NKD1: variants seen among roughly 807,000 people sequenced by gnomAD.
NKD1 encodes the protein protein naked cuticle homolog 1.
NKD1 carries 21 observed loss-of-function variants against 56.0 expected under a neutral mutation model. That is an observed-to-expected ratio of 0.38 (90% CI 0.27 to 0.54). The LOEUF is 0.54. NKD1 is among the 20% of genes least tolerant of loss of function. NKD1 has a pLI of 0.82. For synonymous variants in NKD1, 263 were observed against 265.7 expected, an observed-to-expected ratio of 0.99 and a Z score of 0.10; for missense variants, 578 against 642.7, an observed-to-expected ratio of 0.90 and a Z score of 1.09.
rs577013032 is a variant in NKD1, at chr16:50,574,201, C to A, written c.192+24646C>A. 1.4e-5 allele frequency: 14 copies of A among 985,104 alleles called. No homozygotes were observed. In the East Asian group the frequency reaches 1.5e-3, roughly 104 times the overall value. The allele number at this position is 985,104 out of a possible 1,614,324, so 61.0% of individuals were successfully genotyped here. Reference sequence around the variant, plus strand: ...TCATTCTACCTCACCACTACCTCTTCTGGGACTCAATTTTCTCTCCTGTCA... The same window carrying A: ...TCATTCTACCTCACCACTACCTCTTATGGGACTCAATTTTCTCTCCTGTCA... On this transcript the variant is annotated intron_variant, in intron 3 of 9. Transcript: ENST00000268459.
intron 6 of NKD1, among the ~76,000 whole-genome samples, chr16:50,629,092 A>G (rs1962286864): frequency 6.6e-6 from 1 of 151,804 alleles, no homozygotes; most frequent in Admixed American, 6.6e-5. Context: ...CAGCCTTCCA[A>G]GTAGCTGGGA....
intron 3 of NKD1, among the ~76,000 whole-genome samples, chr16:50,604,198 C>G (rs1409693028): frequency 6.6e-6 from 1 of 152,240 alleles, no homozygotes; most frequent in Non-Finnish European, 1.5e-5. Flanking sequence ...GACTCAGGCT[C>G]TGGCACTTAC....
At position 50,648,237 on chromosome 16, in the gene NKD1, G is replaced by A. The variant is rs182437190; in HGVS notation, c.*14456G>A. On this transcript the variant is annotated 3_prime_UTR_variant, in exon 10 of 10. Transcript: ENST00000268459. ...TGTCCTCATTCCTGTCCTTCTCACA[G>A]TCAGTCCCTCTTGGCTCTTCCTAGA... 4.6e-5 allele frequency: 7 copies of A among 152,818 alleles called. No individual in the cohort carries two copies. The highest frequency in any genetic ancestry group is 1.7e-4 in the African/African-American group (7 of 41,434). The allele number at this position is 152,818 out of a possible 1,614,324, so 9.5% of individuals were successfully genotyped here.
At chr16:50,561,659 T>A (rs1425701709) in intron 3 of NKD1, among the ~76,000 whole-genome samples, 1 of 152,126 alleles carries the variant, frequency 6.6e-6, no homozygotes, top group Non-Finnish European at 1.5e-5. Flanking sequence ...CAGATTTACA[T>A]GGTGGCTGTC....
At chr16:50,578,354 T>C (rs923458195) in intron 3 of NKD1, among the ~76,000 whole-genome samples, 1 of 152,226 alleles carries the variant, frequency 6.6e-6, no homozygotes, top group East Asian at 1.9e-4. Flanking sequence ...TACCTTCTGC[T>C]GACAACTCTA....
At chr16:50,561,574 C>T (rs151092019) in intron 3 of NKD1, among the ~76,000 whole-genome samples, 9 of 152,264 alleles carry the variant, frequency 5.9e-5, no homozygotes, top group Admixed American at 2.6e-4. Context: ...ATGTCTGGGG[C>T]TTCAGTTCTC....
chr16:50,577,812 G>A (rs1961023842), intron 3 of NKD1, among the ~76,000 whole-genome samples: 1 of 152,158 alleles, frequency 6.6e-6, no homozygotes, highest in Non-Finnish European at 1.5e-5. Flanking sequence ...AAGCACCCAG[G>A]GGTCTTAAAG....
In NKD1 at chr16:50,598,262, T is replaced by TGTGTGTGTGTGTGTGTGTGCGCGCGC. The variant is rs138964473; in HGVS notation, c.193-10031_193-10030insTGTGTGTGTGTGTGTGTGCGCGCGCG. Reference sequence around the variant, plus strand: ...GTGTGTGTGTGTGTGTGTGTGTGTGTGCGCGCACACCTGTGCTCATGGACA... The same window carrying TGTGTGTGTGTGTGTGTGTGCGCGCGC: ...GTGTGTGTGTGTGTGTGTGTGTGTGTGTGTGTGTGTGTGTGTGTGCGCGCGCGCGCGCACACCTGTGCTCATGGACA... On this transcript the variant is annotated intron_variant, in intron 3 of 9. Coordinates refer to ENST00000268459, the MANE Select transcript of NKD1 (RefSeq NM_033119.5). The surrounding 1 kb of genome is among the most constrained non-coding windows in gnomAD (Gnocchi z 4.2). 3.4e-5 allele frequency among the ~76,000 whole-genome samples: 5 copies of TGTGTGTGTGTGTGTGTGTGCGCGCGC among 148,572 alleles called. No individual in the cohort carries two copies. The highest frequency in any genetic ancestry group is 1.3e-4 in the African/African-American group (5 of 39,058).
chr16:50,565,548 G>C (rs1960740739), intron 3 of NKD1, among the ~76,000 whole-genome samples: 1 of 151,630 alleles, frequency 6.6e-6, no homozygotes, highest in Non-Finnish European at 1.5e-5. Context: ...AAACTAGCCA[G>C]GTTTGTGATG....
intron 3 of NKD1, among the ~76,000 whole-genome samples, chr16:50,567,013 C>T (rs939091987): frequency 1.3e-5 from 2 of 151,426 alleles, no homozygotes; most frequent in Admixed American, 1.3e-4. Context: ...TGGCCCCCCC[C>T]CTTTTTTTTT....
At chr16:50,565,795 T>G (rs199966395) in intron 3 of NKD1, among the ~76,000 whole-genome samples, 2 of 152,360 alleles carry the variant, frequency 1.3e-5, no homozygotes, top group East Asian at 3.9e-4. Flanking sequence ...AATACATAAC[T>G]TTTTAAACTT....
rs1398422266 is a variant in NKD1 at position 50,548,762 on chromosome 16, G to T, written c.58+13G>T. ...GAGAGCCCGGAAGGTAGGGGCGCGCGGGGCGCAGACCTCGGGGATGGACGC... is the reference window on the plus strand; with the variant it reads ...GAGAGCCCGGAAGGTAGGGGCGCGCTGGGCGCAGACCTCGGGGATGGACGC... On this transcript the variant is annotated intron_variant, in intron 2 of 9. Coordinates refer to ENST00000268459, the MANE Select transcript of NKD1 (RefSeq NM_033119.5). The T allele has an allele frequency of 1.4e-6, 2 of 1,410,890 alleles. No individual in the cohort carries two copies. The highest frequency in any genetic ancestry group is 1.5e-5 in the South Asian group (1 of 65,292). The allele number at this position is 1,410,890 out of a possible 1,614,324, so 87.4% of individuals were successfully genotyped here. A position where few individuals can be genotyped will look rare whatever the true frequency, so the allele number is the denominator to read the frequency against.
rs1480484685 is a variant in NKD1, at chr16:50,596,531, C to CA, written c.193-11762dup. The stretch of plus-strand genomic sequence containing the variant: ...CTCTGCAGACGTGTGCCTCCTACTA[C>CA]AGCGCGTGGAAACACGTGCAGATAA... On this transcript the variant is annotated intron_variant, in intron 3 of 9. Coordinates refer to ENST00000268459, the MANE Select transcript of NKD1 (RefSeq NM_033119.5). Among the ~76,000 whole-genome samples, 95 of 152,356 alleles carry CA rather than the reference C, an allele frequency of 6.2e-4. 1 individual carries two copies. Among genetic ancestry groups the CA allele is most frequent in the African/African-American group, 2.2e-3 (92 of 41,586 alleles).
rs570875780 is a variant in NKD1, at chr16:50,634,991, A to T, written c.*1210A>T. The T allele has an allele frequency of 1.1e-4, 16 of 152,288 alleles. No homozygotes were observed. In the East Asian group the frequency reaches 2.9e-3, roughly 28 times the overall value. 9.4% of individuals were successfully genotyped at this position (152,288 alleles called of 1,614,324 possible). ...TTTTGTCTGGCCAGAGCCTGGAGAA[A>T]CCTGAAAAAGAACCAGTCAGCTAGC... is the stretch of plus-strand genomic sequence containing the variant. On this transcript the variant is annotated 3_prime_UTR_variant, in exon 10 of 10. Coordinates refer to ENST00000268459, the MANE Select transcript of NKD1 (RefSeq NM_033119.5).
At chr16:50,608,165 G>A in intron 3 of NKD1, 129 bp from the exon 4 acceptor site, 1 of 749,604 alleles carries the variant, frequency 1.3e-6, no homozygotes, top group Non-Finnish European at 2.4e-6. Flanking sequence ...AGGTGCAATA[G>A]GATCTGCCTC....
chr16:50,549,901 A>G (rs1364231981), intron 3 of NKD1, among the ~76,000 whole-genome samples: 2 of 151,980 alleles, frequency 1.3e-5, no homozygotes, highest in African/African-American at 4.8e-5. Context: ...GAGGTGGAGT[A>G]GGGGCTAGAG....
chr16:50,548,618 G>A (rs1960291850), intron 1 of NKD1, 40 bp downstream of exon 1: 2 of 1,444,068 alleles, frequency 1.4e-6, no homozygotes, highest in Non-Finnish European at 9.0e-7. Flanking sequence ...GGGCCCCGCC[G>A]CCGTCGCCGC....
At chr16:50,612,060 C>T (rs1961859593) in intron 4 of NKD1, among the ~76,000 whole-genome samples, 2 of 152,132 alleles carry the variant, frequency 1.3e-5, no homozygotes. Flanking sequence ...TCCCCGTACT[C>T]CTGGTGCCTG....
intron 3 of NKD1, among the ~76,000 whole-genome samples, chr16:50,600,595 C>G (rs763364710): frequency 2.0e-5 from 3 of 152,148 alleles, no homozygotes; most frequent in East Asian, 1.9e-4. Flanking sequence ...TCATGGTAGC[C>G]CAGAGACATG....
Sources: gnomAD v4.1 joint callset for allele counts (sites outside exome capture counted in the v4.1 genomes callset) on GRCh38, gnomAD v4.1.1 for gene constraint, Gnocchi (gnomAD v3.1) non-coding constraint, MANE v1.5 for transcripts, NCBI Gene and HGNC (gene_info 2026-07-23, HGNC 2026-07-21) for gene names.